Variants in MCF2L observed in about 807,000 individuals in gnomAD.
MCF2L encodes guanine nucleotide exchange factor DBS.
In MCF2L, 97 loss-of-function variants were observed where a neutral mutation model predicts 153.4. The ratio of observed to expected loss-of-function variants is 0.63; its 90% CI spans 0.54 to 0.75. MCF2L has a LOEUF of 0.75. Ranked by LOEUF, MCF2L falls within the 30% of genes least tolerant of loss-of-function variation. The probability of loss-of-function intolerance (pLI) is 0.00; values close to 1 mark genes in which losing one functional copy is unlikely to be tolerated. For missense variants in MCF2L, 1,347 were observed against 1,495.2 expected, an observed-to-expected ratio of 0.90 and a Z score of 1.64; for synonymous variants, 659 against 632.2, an observed-to-expected ratio of 1.04 and a Z score of -0.64.
intron 1 of MCF2L, among the ~76,000 whole-genome samples, chr13:112,988,239 GT>G (rs375843234): frequency 3.0e-3 from 444 of 146,692 alleles, no homozygotes; most frequent in African/African-American, 9.0e-3. Context: ...CGTCTACTGT[GT>G]TTTTTTTTTT....
chr13:112,965,388 C>G (rs2081880665), upstream of MCF2L: 1 of 152,246 alleles, frequency 6.6e-6, no homozygotes, highest in African/African-American at 2.4e-5. Flanking sequence ...AGTCACCAGC[C>G]TTGCTCAGTG....
intron 4 of MCF2L, among the ~76,000 whole-genome samples, chr13:113,055,795 C>T (rs757745318): frequency 6.6e-6 from 1 of 152,212 alleles, no homozygotes; most frequent in Non-Finnish European, 1.5e-5. Context: ...GTGCTCCCTG[C>T]AGAAGGTGAA....
At chr13:113,091,507 C>T (rs1312180334) in intron 26 of MCF2L, among the ~76,000 whole-genome samples, 1 of 152,208 alleles carries the variant, frequency 6.6e-6, no homozygotes, top group Non-Finnish European at 1.5e-5. Flanking sequence ...GGTGGGGTCT[C>T]ACTGCCCAGT....
intron 2 of MCF2L, among the ~76,000 whole-genome samples, chr13:113,022,748 T>G (rs2084969209): frequency 6.6e-6 from 1 of 152,144 alleles, no homozygotes; most frequent in African/African-American, 2.4e-5. Context: ...GTGAGCCACA[T>G]CCCAGGGGGC....
chr13:112,982,972 C>T (rs1047050803), intron 1 of MCF2L, among the ~76,000 whole-genome samples: 2 of 152,018 alleles, frequency 1.3e-5, no homozygotes, highest in Non-Finnish European at 2.9e-5. Flanking sequence ...AGCTCGTCCC[C>T]GAGTCCATGG....
intron 1 of MCF2L, among the ~76,000 whole-genome samples, chr13:112,994,566 C>G (rs2083039021): frequency 1.3e-5 from 2 of 152,240 alleles, no homozygotes; most frequent in Non-Finnish European, 2.9e-5. Context: ...GGTGAGCTGT[C>G]TCGTTTCTTC....
chr13:112,949,541 T>C (rs2081669861), intron 2 of MCF2L, among the ~76,000 whole-genome samples: 2 of 152,210 alleles, frequency 1.3e-5, no homozygotes, highest in African/African-American at 4.8e-5. Context: ...GACCAAGTTT[T>C]GGTTTATACC....
intron 1 of MCF2L, among the ~76,000 whole-genome samples, chr13:113,007,371 G>A (rs568800568): frequency 4.6e-5 from 7 of 152,310 alleles, no homozygotes; most frequent in South Asian, 4.1e-4. Context: ...TGAGAACAGC[G>A]GGGGTCTAAC....
At chr13:113,020,378 G>A (rs9577424) in intron 2 of MCF2L, among the ~76,000 whole-genome samples, 28,137 of 152,184 alleles carry the variant, frequency 0.18, 2,822 homozygotes, top group East Asian at 0.29. Context: ...CGGCTTGGCC[G>A]TCACACATGC....
intron 2 of MCF2L, among the ~76,000 whole-genome samples, chr13:113,019,354 C>T (rs989968457): frequency 3.9e-5 from 6 of 152,174 alleles, no homozygotes; most frequent in East Asian, 3.9e-4. Flanking sequence ...CACCAAGGCC[C>T]GACGGCTGCT....
At chr13:112,979,456 T>C in intron 1 of MCF2L, 2 of 1,423,648 alleles carry the variant, frequency 1.4e-6, no homozygotes, top group Non-Finnish European at 1.8e-6. Flanking sequence ...GGCTCAGCCC[T>C]CTTGGGTTCT....
chr13:113,061,186 G>C (rs2031347532), intron 5 of MCF2L, among the ~76,000 whole-genome samples: 1 of 152,134 alleles, frequency 6.6e-6, no homozygotes, highest in South Asian at 2.1e-4. Context: ...GGCCGGACCT[G>C]TCCTGGAGCA....
chr13:113,078,965 G>A (rs895445518), intron 15 of MCF2L, among the ~76,000 whole-genome samples: 3 of 152,240 alleles, frequency 2.0e-5, no homozygotes, highest in Non-Finnish European at 2.9e-5. Context: ...CACACCACTC[G>A]GGATTCAGGA....
intron 21 of MCF2L, 118 bp from the exon 22 acceptor site, chr13:113,087,117 T>C: frequency 1.2e-6 from 1 of 851,534 alleles, no homozygotes; most frequent in Admixed American, 2.6e-5. Flanking sequence ...TGGGACGCCC[T>C]GCAGCTGGAA....
chr13:113,084,505 T>C (rs908324214), intron 18 of MCF2L: 7 of 330,228 alleles, frequency 2.1e-5, no homozygotes, highest in Non-Finnish European at 3.3e-5. Context: ...CTAGGGTCTG[T>C]TTTTTGCTAA....
intron 1 of MCF2L, among the ~76,000 whole-genome samples, chr13:113,004,686 G>A (rs1477047985): frequency 6.6e-6 from 1 of 152,244 alleles, no homozygotes; most frequent in Non-Finnish European, 1.5e-5. Flanking sequence ...AGCTCAGGGA[G>A]GTTGTGTTCA....
At chr13:113,010,507 G>A (rs1340552031) in intron 1 of MCF2L, among the ~76,000 whole-genome samples, 2 of 152,214 alleles carry the variant, frequency 1.3e-5, no homozygotes, top group Admixed American at 6.5e-5. Context: ...TCCCACGCTT[G>A]GGAAATCTCA....
chr13:113,087,059 AG>A (rs1169621751), intron 21 of MCF2L, among the ~76,000 whole-genome samples, 175 bp from the exon 22 acceptor site: 6 of 151,904 alleles, frequency 3.9e-5, no homozygotes, highest in African/African-American at 1.5e-4. Context: ...CTCCTCCCCC[AG>A]CCCCTGGCAC....
In MCF2L at chr13:113,045,571, A is replaced by C. The variant is rs2086761028; in HGVS notation, c.369+210A>C. 2 of 585,026 alleles carry C rather than the reference A, an allele frequency of 3.4e-6. No individual in the cohort carries two copies. The highest frequency in any genetic ancestry group is 2.1e-5 in the South Asian group (1 of 48,316). The allele number at this position is 585,026 out of a possible 1,614,324, so 36.2% of individuals were successfully genotyped here. A position where few individuals can be genotyped will look rare whatever the true frequency, so the allele number is the denominator to read the frequency against. On this transcript the variant is annotated intron_variant, in intron 4 of 29. Transcript: ENST00000535094. This position sits in a 1 kb window ranked among gnomAD's most constrained non-coding sequence, Gnocchi z 4.2. ...GGTGTGAGTTTTCCCAGATGAAGGA[A>C]CTCTTAGGGAGCCCAATGTGACTTG...
Sources: allele counts gnomAD v4.1 joint callset (sites outside exome capture counted in the v4.1 genomes callset), GRCh38; gene constraint gnomAD v4.1.1; non-coding constraint Gnocchi (gnomAD v3.1); transcripts MANE v1.5; gene names NCBI Gene and HGNC (gene_info 2026-07-23, HGNC 2026-07-21).